The following FER variants were observed in gnomAD, a reference collection of about 807,000 sequenced individuals.
FER encodes the protein tyrosine-protein kinase Fer.
FER carries 63 observed loss-of-function variants against 111.0 expected under a neutral mutation model. The ratio of observed to expected loss-of-function variants is 0.57; its 90% confidence interval spans 0.46 to 0.70. The LOEUF (loss-of-function observed/expected upper bound fraction) is 0.70, where lower values mean the gene tolerates loss of function less well. FER is among the 30% of genes least tolerant of loss of function. The pLI is 0.00. For synonymous variants in FER, 327 were observed against 313.9 expected, an observed-to-expected ratio of 1.04 and a Z score of -0.44; for missense variants, 914 against 954.0, an observed-to-expected ratio of 0.96 and a Z score of 0.55.
chr5:109,120,426 C>T (rs1750822043), intron 17 of FER, among the ~76,000 whole-genome samples: 1 of 152,028 alleles, frequency 6.6e-6, no homozygotes, highest in Admixed American at 6.6e-5. Flanking sequence ...GGATTTGTTT[C>T]TATGTTCTCT....
intron 18 of FER, among the ~76,000 whole-genome samples, chr5:109,183,655 G>A (rs1314455513): frequency 1.3e-5 from 2 of 152,062 alleles, no homozygotes; most frequent in African/African-American, 4.8e-5. Context: ...GGTCGGGGTG[G>A]ATGAAAGAAA....
At chr5:108,792,213 A>C (rs953683272) in intron 2 of FER, among the ~76,000 whole-genome samples, 1 of 152,220 alleles carries the variant, frequency 6.6e-6, no homozygotes, top group Admixed American at 6.5e-5. Context: ...CAAGTTCTAT[A>C]AAAAAGCTAG....
At chr5:109,092,617 G>T (rs1746961278) in intron 16 of FER, among the ~76,000 whole-genome samples, 1 of 151,852 alleles carries the variant, frequency 6.6e-6, no homozygotes, top group East Asian at 2.0e-4. Context: ...AAAAAATTTT[G>T]GAGAGGATGT....
Position 108,998,175 on chromosome 5 carries a change from C to T in FER, c.1656+38828C>T, listed in dbSNP as rs535689415. Among the ~76,000 whole-genome samples the T allele has an allele frequency of 6.1e-3, 792 of 130,544 alleles. 8 individuals are homozygous for T. Among genetic ancestry groups the T allele is most frequent in the Middle Eastern group, 0.03 (8 of 270 alleles). 85.6% of individuals were successfully genotyped at this position (130,544 alleles called of 152,430 possible). A position where few individuals can be genotyped will look rare whatever the true frequency, so the allele number is the denominator to read the frequency against. On this transcript the variant is annotated intron_variant, in intron 13 of 19. Transcript: ENST00000281092. ...GTCTTGCTGGCGTTCCAGGCACCACCGGGGTATGAAAAAAAAAAAAAAAAA... is the reference window on the plus strand; with the variant it reads ...GTCTTGCTGGCGTTCCAGGCACCACTGGGGTATGAAAAAAAAAAAAAAAAA...
At chr5:108,845,260 C>T (rs749751771) in intron 5 of FER, among the ~76,000 whole-genome samples, 1 of 151,266 alleles carries the variant, frequency 6.6e-6, no homozygotes, top group South Asian at 2.1e-4. Flanking sequence ...TAACCTCTGT[C>T]TCTCAGGTTC....
intron 17 of FER, among the ~76,000 whole-genome samples, chr5:109,110,483 C>T (rs780999588): frequency 5.3e-5 from 8 of 152,006 alleles, no homozygotes; most frequent in Non-Finnish European, 1.2e-4. Context: ...AGTAAGCCAG[C>T]AAGGTCAGAA....
intron 5 of FER, among the ~76,000 whole-genome samples, chr5:108,845,546 T>C (rs1246816692): frequency 6.6e-6 from 1 of 152,174 alleles, no homozygotes; most frequent in Non-Finnish European, 1.5e-5. Flanking sequence ...GTTATCTATG[T>C]ATAAAGACAG....
intron 13 of FER, among the ~76,000 whole-genome samples, chr5:109,035,309 A>T (rs1229102902): frequency 6.6e-6 from 1 of 151,926 alleles, no homozygotes; most frequent in African/African-American, 2.4e-5. Context: ...GTCTTTCTCA[A>T]CTCCTACCCC....
Position 109,183,248 on chromosome 5 carries a change from G to GTTTTTT in FER, c.2203+2360_2203+2365dup, listed in dbSNP as rs10682212. On this transcript the variant is annotated intron_variant, in intron 18 of 19. Coordinates refer to ENST00000281092, the MANE Select transcript of FER (RefSeq NM_005246.4). ...GAAGATTGACTCTAAATCCTAGCGTGTTTTTTTTTTTTTTTTTTGAGATGG... is the reference window on the plus strand; with the variant it reads ...GAAGATTGACTCTAAATCCTAGCGTGTTTTTTTTTTTTTTTTTTTTTTTTGAGATGG... 2.8e-3 allele frequency among the ~76,000 whole-genome samples: 322 copies of GTTTTTT among 115,590 alleles called. 10 individuals carry two copies. Among genetic ancestry groups the GTTTTTT allele is most frequent in the Middle Eastern group, 6.3e-3 (1 of 160 alleles). The allele number at this position is 115,590 out of a possible 152,430, so 75.8% of individuals were successfully genotyped here.
chr5:109,002,633 G>T (rs1033958935), intron 13 of FER, among the ~76,000 whole-genome samples: 4 of 152,082 alleles, frequency 2.6e-5, no homozygotes, highest in East Asian at 1.9e-4. Flanking sequence ...GGGATCTAAT[G>T]AAACTAAAAA....
chr5:108,944,729 G>T (rs1197626264), intron 10 of FER, among the ~76,000 whole-genome samples: 1 of 151,890 alleles, frequency 6.6e-6, no homozygotes, highest in African/African-American at 2.4e-5. Context: ...ATCTGGCACT[G>T]GTTGGCATGT....
chr5:108,980,397 T>G (rs975745846), intron 13 of FER, among the ~76,000 whole-genome samples: 6 of 152,130 alleles, frequency 3.9e-5, no homozygotes, highest in Non-Finnish European at 8.8e-5. Flanking sequence ...AGGTCTAAAA[T>G]TTTTGCATAA....
At chr5:109,022,982 A>G (rs186358081) in intron 13 of FER, among the ~76,000 whole-genome samples, 11 of 152,264 alleles carry the variant, frequency 7.2e-5, no homozygotes, top group Admixed American at 3.3e-4. Context: ...TAATGAGAGA[A>G]TAGCAGGTTC....
intron 10 of FER, among the ~76,000 whole-genome samples, chr5:108,931,269 T>G (rs940190445): frequency 6.6e-6 from 1 of 152,218 alleles, no homozygotes; most frequent in Non-Finnish European, 1.5e-5. Flanking sequence ...TTATCTTTTA[T>G]GTAGCCCTTA....
intron 8 of FER, among the ~76,000 whole-genome samples, chr5:108,872,701 G>A (rs1764714563): frequency 1.3e-5 from 2 of 152,018 alleles, no homozygotes; most frequent in South Asian, 4.1e-4. Flanking sequence ...TTTTTGTTGT[G>A]TAAAATATTA....
rs1759617832 is a variant in FER at position 109,194,756 on chromosome 5, T to C, written c.*7181T>C. 1 of 151,920 alleles carries C rather than the reference T, an allele frequency of 6.6e-6. No individual in the cohort carries two copies. The highest frequency in any genetic ancestry group is 2.4e-5 in the African/African-American group (1 of 41,416). 9.4% of individuals were successfully genotyped at this position (151,920 alleles called of 1,614,324 possible). ...GCCTTAAAAAATAAATCTCAATTCA[T>C]ACACTGGAGCAGCAAAAAACTGAGC... On this transcript the variant is annotated 3_prime_UTR_variant, in exon 20 of 20. Transcript: ENST00000281092.
chr5:109,083,412 C>T (rs1178513464), intron 16 of FER, among the ~76,000 whole-genome samples: 4 of 151,930 alleles, frequency 2.6e-5, no homozygotes, highest in African/African-American at 9.7e-5. Flanking sequence ...ATCAATATTC[C>T]ATGGCTATTA....
At chr5:109,110,609 G>A (rs1243718799) in intron 17 of FER, among the ~76,000 whole-genome samples, 1 of 152,016 alleles carries the variant, frequency 6.6e-6, no homozygotes, top group Non-Finnish European at 1.5e-5. Context: ...TCTGTTCCAG[G>A]TTTATGAAGA....
chr5:108,867,528 T>C (rs1267781142), intron 5 of FER, among the ~76,000 whole-genome samples: 1 of 151,490 alleles, frequency 6.6e-6, no homozygotes, highest in Non-Finnish European at 1.5e-5. Flanking sequence ...TGTTTTACTT[T>C]GACCTTTATT....
Sources: gnomAD v4.1 joint callset for allele counts (sites outside exome capture counted in the v4.1 genomes callset) on GRCh38, gnomAD v4.1.1 for gene constraint, MANE v1.5 for transcripts, NCBI Gene and HGNC (gene_info 2026-07-23, HGNC 2026-07-21) for gene names.